The following ZNF385D variants were observed in gnomAD, a reference collection of about 807,000 sequenced individuals.
ZNF385D encodes zinc finger protein 659.
In ZNF385D, 15 loss-of-function variants were observed where a neutral mutation model predicts 35.8. The observed-to-expected ratio is 0.42, with a 90% CI of 0.28 to 0.64. ZNF385D has a LOEUF of 0.64. ZNF385D is among the 30% of genes least tolerant of loss of function. The probability of loss-of-function intolerance (pLI) is 0.23; values close to 1 mark genes in which losing one functional copy is unlikely to be tolerated. For missense variants in ZNF385D, 474 were observed against 494.6 expected (o/e 0.96, Z 0.39); for synonymous variants, 212 against 186.8 (o/e 1.13, Z -1.10).
chr3:22,126,307 G>GTT (rs1559388467), intron 3 of ZNF385D, among the ~76,000 whole-genome samples: 1 of 76,436 alleles, frequency 1.3e-5, no homozygotes, highest in Non-Finnish European at 2.6e-5. Flanking sequence ...GTATTTGAAA[G>GTT]TTGTTTTTTT....
intron 3 of ZNF385D, among the ~76,000 whole-genome samples, chr3:21,888,811 T>C (rs1698687182): frequency 6.6e-6 from 1 of 152,250 alleles, no homozygotes; most frequent in Non-Finnish European, 1.5e-5. Context: ...GAGGTGCCTG[T>C]TCATCTAAGT....
chr3:22,230,092 G>C (rs1016868071), intron 2 of ZNF385D, among the ~76,000 whole-genome samples: 3 of 152,086 alleles, frequency 2.0e-5, no homozygotes, highest in Admixed American at 2.0e-4. Context: ...TTAGTCCTGA[G>C]GGACAACGAT....
intron 3 of ZNF385D, among the ~76,000 whole-genome samples, chr3:22,090,756 T>C (rs970700788): frequency 6.6e-6 from 1 of 152,114 alleles, no homozygotes; most frequent in African/African-American, 2.4e-5. Flanking sequence ...CCAAATGAAA[T>C]TGACAACACT....
At chr3:22,259,981 G>T (rs1212102497) in intron 2 of ZNF385D, among the ~76,000 whole-genome samples, 2 of 151,918 alleles carry the variant, frequency 1.3e-5, no homozygotes, top group Non-Finnish European at 2.9e-5. Flanking sequence ...GTTAGGACAC[G>T]AAAAGGTCAT....
intron 3 of ZNF385D, among the ~76,000 whole-genome samples, chr3:22,107,609 A>G (rs188205178): frequency 6.6e-6 from 1 of 152,208 alleles, no homozygotes; most frequent in African/African-American, 2.4e-5. Flanking sequence ...TATAGAAACA[A>G]TATATGCTTA....
chr3:21,888,614 C>G (rs1420752153), intron 3 of ZNF385D, among the ~76,000 whole-genome samples: 6 of 151,948 alleles, frequency 3.9e-5, no homozygotes, highest in Non-Finnish European at 8.8e-5. Context: ...AAAATGGAAA[C>G]AGCAGGTCTA....
intron 3 of ZNF385D, among the ~76,000 whole-genome samples, chr3:21,784,008 A>G (rs1371018482): frequency 6.6e-6 from 1 of 152,114 alleles, no homozygotes; most frequent in African/African-American, 2.4e-5. Flanking sequence ...CAGGACTCAC[A>G]GACTGCAGTA....
At chr3:21,460,327 C>A (rs1559311701) in intron 4 of ZNF385D, among the ~76,000 whole-genome samples, 1 of 152,160 alleles carries the variant, frequency 6.6e-6, no homozygotes, top group African/African-American at 2.4e-5. Context: ...TAATCTAACT[C>A]TTTGTGTGTT....
chr3:22,050,171 G>T (rs898454331), intron 3 of ZNF385D, among the ~76,000 whole-genome samples: 2 of 151,324 alleles, frequency 1.3e-5, no homozygotes, highest in Non-Finnish European at 2.9e-5. Context: ...TTTGAGACCA[G>T]CCTGGGCAAA....
Position 21,761,731 on chromosome 3 carries a change from T to C in ZNF385D, c.326-96703A>G, listed in dbSNP as rs554417204. Among the ~76,000 whole-genome samples, 3 of 147,668 alleles carry C rather than the reference T, an allele frequency of 2.0e-5. No homozygotes were observed. In the South Asian group the frequency reaches 6.6e-4, roughly 32 times the overall value. Reference sequence around the variant, plus strand: ...TCAACCAATAATAGTCATGAGAGAATGCAGATCCAATTTTCTCATTGGATT... The same window carrying C: ...TCAACCAATAATAGTCATGAGAGAACGCAGATCCAATTTTCTCATTGGATT... On this transcript the variant is annotated intron_variant, in intron 3 of 5. Transcript: ENST00000494108.
chr3:22,074,594 T>G (rs979518331), intron 3 of ZNF385D, among the ~76,000 whole-genome samples: 4 of 152,008 alleles, frequency 2.6e-5, no homozygotes, highest in African/African-American at 9.7e-5. Context: ...CTGCCTGGTA[T>G]TTCTATGATA....
chr3:21,947,278 T>A (rs1004579716), intron 3 of ZNF385D, among the ~76,000 whole-genome samples: 1 of 152,138 alleles, frequency 6.6e-6, no homozygotes, highest in Non-Finnish European at 1.5e-5. Context: ...TATTGGCAAA[T>A]TTATGGTACA....
At chr3:22,262,914 G>T (rs1206584912) in intron 2 of ZNF385D, among the ~76,000 whole-genome samples, 1 of 151,884 alleles carries the variant, frequency 6.6e-6, no homozygotes, top group East Asian at 1.9e-4. Context: ...CCCTTACCCA[G>T]GCACAGGTGC....
At chr3:21,985,952 C>A (rs1490694271) in intron 3 of ZNF385D, among the ~76,000 whole-genome samples, 3 of 123,810 alleles carry the variant, frequency 2.4e-5, no homozygotes, top group African/African-American at 7.5e-5. Context: ...AGTTTATTTG[C>A]GTAGAGGTGT....
At chr3:22,094,385 GATATATAT>G (rs140274686) in intron 3 of ZNF385D, among the ~76,000 whole-genome samples, 2 of 70,822 alleles carry the variant, frequency 2.8e-5, no homozygotes, top group African/African-American at 8.6e-5. Flanking sequence ...ATTTATTGTT[GATATATAT>G]ATATATATAT....
intron 2 of ZNF385D, among the ~76,000 whole-genome samples, chr3:21,635,533 T>TTTG (rs985663603): frequency 1.2e-4 from 14 of 118,874 alleles, no homozygotes; most frequent in Non-Finnish European, 1.9e-5. Context: ...AGAGTCACTG[T>TTTG]TTGTTGTTGT....
At chr3:21,710,995 C>T (rs970141113) in intron 1 of ZNF385D, among the ~76,000 whole-genome samples, 2 of 149,896 alleles carry the variant, frequency 1.3e-5, no homozygotes, top group African/African-American at 4.9e-5. Flanking sequence ...TGTCTTTGAG[C>T]AACTTAAACC....
intron 4 of ZNF385D, among the ~76,000 whole-genome samples, chr3:21,502,807 C>A (rs1360184535): frequency 6.6e-6 from 1 of 152,162 alleles, no homozygotes; most frequent in East Asian, 1.9e-4. Flanking sequence ...AAATCTCTTT[C>A]TTTGACCAAT....
intron 3 of ZNF385D, among the ~76,000 whole-genome samples, chr3:21,924,325 G>GT (rs960705455): frequency 1.8e-4 from 27 of 151,954 alleles, no homozygotes; most frequent in Non-Finnish European, 3.2e-4. Flanking sequence ...AGCTTCCTGA[G>GT]TTTTTTTTGT....
Sources: allele counts gnomAD v4.1 joint callset (sites outside exome capture counted in the v4.1 genomes callset), GRCh38; gene constraint gnomAD v4.1.1; transcripts MANE v1.5; gene names NCBI Gene and HGNC (gene_info 2026-07-23, HGNC 2026-07-21).